CNTNAP1: variants seen among roughly 807,000 people sequenced by gnomAD.
The protein encoded by CNTNAP1 is contactin-associated protein 1.
A neutral mutation model predicts 161.5 loss-of-function variants in CNTNAP1; 80 were observed. The observed-to-expected ratio is 0.50, with a 90% confidence interval of 0.41 to 0.60. CNTNAP1 has a LOEUF of 0.60. Among genes scored for constraint, CNTNAP1 ranks in the 20% least tolerant of loss-of-function variants. The pLI is 0.00. For synonymous variants in CNTNAP1, 695 were observed against 733.1 expected (o/e 0.95, Z 0.84); for missense variants, 1,464 against 1,854.8 (o/e 0.79, Z 3.87).
chr17:42,685,424 A>C lies in CNTNAP1; in HGVS notation c.715+4A>C, dbSNP rs1304564187. 6.3e-7 allele frequency: 1 copy of C among 1,599,840 alleles called. No individual in the cohort carries two copies. The highest frequency in any genetic ancestry group is 1.7e-5 in the Admixed American group (1 of 59,904). Reference sequence around the variant, plus strand: ...CTGCTGCTGCACATGAGCCTGGGTGAGCTCGGCGACCATGTGCGATGCGGA... The same window carrying C: ...CTGCTGCTGCACATGAGCCTGGGTGCGCTCGGCGACCATGTGCGATGCGGA... On this transcript the variant is annotated splice_donor_region_variant and intron_variant, in intron 5 of 23. Transcript: ENST00000264638. This position sits in a 1 kb window ranked among gnomAD's most constrained non-coding sequence, Gnocchi z 5.0.
chr17:42,691,232 C>G lies in CNTNAP1; in HGVS notation c.2155C>G (p.Leu719Val). Residue 719 changes from leucine (L) to valine (V), a missense_variant, in exon 14 of 24, where the codon CTG (leucine) becomes GTG (valine). This residue lies in a region of CNTNAP1 where 1,383 missense variants were observed against 1,765.0 expected (regional missense o/e 0.78). Transcript: ENST00000264638. This position sits in a 1 kb window ranked among gnomAD's most constrained non-coding sequence, Gnocchi z 4.3. ...TGGGATCCAGCGCTGTGCCTGTGGT[C>G]TGGACCGGAGCTGTGTGGACCCTGC... The part of the protein sequence containing the change: ...QPGIQRCACG[L>V]DRSCVDPALY... The G allele has an allele frequency of 6.2e-7, 1 of 1,614,176 alleles. No homozygotes were observed. The highest frequency in any genetic ancestry group is 1.3e-5 in the African/African-American group (1 of 75,058).
At position 42,691,037 on chromosome 17, in the gene CNTNAP1, G is replaced by A. The variant is rs2053079805; in HGVS notation, c.2059+95G>A. 2 of 1,596,102 alleles carry A rather than the reference G, an allele frequency of 1.3e-6. No individual in the cohort carries two copies. Among genetic ancestry groups the A allele is most frequent in the South Asian group, 1.1e-5 (1 of 88,478 alleles). ...AGAGAGCCAGCTGGGGCCTTGGGTT[G>A]GAAGATTCAAGGAGGGGTCTGAACT... is the stretch of plus-strand genomic sequence containing the variant. On this transcript the variant is annotated intron_variant, in intron 13 of 23. Coordinates refer to ENST00000264638, the MANE Select transcript of CNTNAP1 (RefSeq NM_003632.3). The surrounding 1 kb of genome is among the most constrained non-coding windows in gnomAD (Gnocchi z 4.3).
rs759439280 is a variant in CNTNAP1, at chr17:42,683,844, G to C, written c.91G>C (p.Gly31Arg). 6.2e-6 allele frequency: 10 copies of C among 1,612,380 alleles called. No individual in the cohort carries two copies. Among genetic ancestry groups the C allele is most frequent in the Non-Finnish European group, 8.5e-6 (10 of 1,179,952 alleles). Reference sequence around the variant, plus strand: ...AGACGGCTGCGACGAGGAGCTGGTGGGTCCCCTGTATGCACGCTCCCTGGG... The same window carrying C: ...AGACGGCTGCGACGAGGAGCTGGTGCGTCCCCTGTATGCACGCTCCCTGGG... Reference protein sequence around the residue: ...GYYGCDEELVGPLYARSLGAS... With the variant: ...GYYGCDEELVRPLYARSLGAS... The change falls in exon 2 of 24, where the codon GGT becomes CGT. Residue 31 changes from glycine to arginine, a missense_variant. This residue lies in a region of CNTNAP1 where 77 missense variants were observed against 73.6 expected (regional missense o/e 1.05). Coordinates refer to ENST00000264638, the MANE Select transcript of CNTNAP1 (RefSeq NM_003632.3).
intron 18 of CNTNAP1, among the ~76,000 whole-genome samples, chr17:42,694,895 A>C (rs1412127632): frequency 6.6e-6 from 1 of 151,976 alleles, no homozygotes; most frequent in Non-Finnish European, 1.5e-5. Context: ...CTAGGGAGAT[A>C]CAAGACTTAG....
At chr17:42,695,187 A>T (rs1484686218) in intron 18 of CNTNAP1, among the ~76,000 whole-genome samples, 2 of 152,232 alleles carry the variant, frequency 1.3e-5, no homozygotes, top group East Asian at 3.9e-4. Context: ...CCTCAAGATG[A>T]TCTGCCTGCC....
At chr17:42,696,270 T>C (rs1213298017) in intron 20 of CNTNAP1, 118 bp downstream of exon 20, 1 of 1,329,952 alleles carries the variant, frequency 7.5e-7, no homozygotes, top group Non-Finnish European at 1.0e-6. Context: ...ATAGAGGATT[T>C]TCACGTGTGT....
chr17:42,691,017 G>C lies in CNTNAP1; in HGVS notation c.2059+75G>C. The C allele has an allele frequency of 1.2e-6, 2 of 1,601,538 alleles. No homozygotes were observed. The highest frequency in any genetic ancestry group is 1.1e-5 in the South Asian group (1 of 89,618). ...GGGCCTGGGAGAAGGAAGCCAGAGA[G>C]CCAGCTGGGGCCTTGGGTTGGAAGA... On this transcript the variant is annotated intron_variant, in intron 13 of 23. Coordinates refer to ENST00000264638, the MANE Select transcript of CNTNAP1 (RefSeq NM_003632.3). This position sits in a 1 kb window ranked among gnomAD's most constrained non-coding sequence, Gnocchi z 4.3.
At position 42,690,920 on chromosome 17, in the gene CNTNAP1, T is replaced by C. The variant is rs778373955; in HGVS notation, c.2037T>C (p.Asn679=). The change falls in exon 13 of 24, where the codon AAT becomes AAC. Residue 679 remains asparagine (N), a synonymous_variant. Coordinates refer to ENST00000264638, the MANE Select transcript of CNTNAP1 (RefSeq NM_003632.3). ...AGTGGATCGAGTTCTCCTGCTACAA[T>C]TCCCGGCTGCTCAACACTGCAGGTT... ...CEQWIEFSCY[N]SRLLNTAGGY... The C allele has an allele frequency of 6.2e-7, 1 of 1,614,182 alleles. No homozygotes were observed. The highest frequency in any genetic ancestry group is 8.5e-7 in the Non-Finnish European group (1 of 1,180,026).
At position 42,689,178 on chromosome 17, in the gene CNTNAP1, T is replaced by A. The variant is rs1294970067; in HGVS notation, c.1628+131T>A. The A allele has an allele frequency of 3.5e-6, 3 of 846,002 alleles. No homozygotes were observed. The East Asian group carries it at 7.9e-5, about 22-fold the overall frequency. 52.4% of individuals were successfully genotyped at this position (846,002 alleles called of 1,614,324 possible). A position where few individuals can be genotyped will look rare whatever the true frequency, so the allele number is the denominator to read the frequency against. On this transcript the variant is annotated intron_variant, in intron 10 of 23. Coordinates refer to ENST00000264638, the MANE Select transcript of CNTNAP1 (RefSeq NM_003632.3). The stretch of plus-strand genomic sequence containing the variant: ...CCTTAGTCCCCTGCTTGGGGATGAT[T>A]CTTCTTTGATCTCTTACCTCCTATT...
intron 9 of CNTNAP1, 31 bp downstream of exon 9, chr17:42,688,642 G>A: frequency 6.2e-7 from 1 of 1,613,828 alleles, no homozygotes; most frequent in Non-Finnish European, 8.5e-7. Flanking sequence ...CCAGACCTCT[G>A]TTTCTGGGTG....
rs764537669 is a variant in CNTNAP1, at chr17:42,697,289, C to T, written c.3490C>T (p.Leu1164=). The part of the protein sequence containing the change: ...NLFIQVDYFP[L]TEQKFSLLVD... ...CCCACCTCAGGTGGACTACTTCCCA[C>T]TGACAGAGCAGAAGTTCTCGCTGTT... Residue 1164 remains leucine, a synonymous_variant, in exon 21 of 24, where the codon CTG becomes TTG. Coordinates refer to ENST00000264638, the MANE Select transcript of CNTNAP1 (RefSeq NM_003632.3). 14 of 1,613,904 alleles carry T rather than the reference C, an allele frequency of 8.7e-6. No individual in the cohort carries two copies. Among genetic ancestry groups the T allele is most frequent in the Non-Finnish European group, 1.2e-5 (14 of 1,179,928 alleles).
At chr17:42,683,047 G>T in intron 1 of CNTNAP1, 151 bp downstream of exon 1, 1 of 748,878 alleles carries the variant, frequency 1.3e-6, no homozygotes, top group South Asian at 1.9e-5. Flanking sequence ...TCTCCCCCGC[G>T]CTCCGCATTG....
chr17:42,683,962 C>T (rs780606751), intron 2 of CNTNAP1, 40 bp downstream of exon 2: 1 of 1,613,182 alleles, frequency 6.2e-7, no homozygotes, highest in Non-Finnish European at 8.5e-7. Context: ...TGGCAGCGCA[C>T]CGCGGAAGGG....
chr17:42,690,615 G>A (rs2053072473), intron 12 of CNTNAP1, 124 bp from the exon 13 acceptor site: 1 of 889,226 alleles, frequency 1.1e-6, no homozygotes, highest in Non-Finnish European at 1.8e-6. Context: ...CAGGGCAGAG[G>A]TGGAATGGAG....
Position 42,691,053 on chromosome 17 carries a change from G to C in CNTNAP1, c.2060-84G>C. ...CCTTGGGTTGGAAGATTCAAGGAGG[G>C]GTCTGAACTCGCTGGAAGGGCGAGA... is the stretch of plus-strand genomic sequence containing the variant. On this transcript the variant is annotated intron_variant, in intron 13 of 23. Coordinates refer to ENST00000264638, the MANE Select transcript of CNTNAP1 (RefSeq NM_003632.3). This position sits in a 1 kb window ranked among gnomAD's most constrained non-coding sequence, Gnocchi z 4.3. The C allele has an allele frequency of 6.3e-7, 1 of 1,596,090 alleles. No individual in the cohort carries two copies. Among genetic ancestry groups the C allele is most frequent in the Non-Finnish European group, 8.5e-7 (1 of 1,170,070 alleles).
rs2053105333 is a variant in CNTNAP1, at chr17:42,692,731, A to G, written c.2752+11A>G. 6.3e-7 allele frequency: 1 copy of G among 1,592,800 alleles called. No homozygotes were observed. The highest frequency in any genetic ancestry group is 8.6e-7 in the Non-Finnish European group (1 of 1,165,930). ...AGCCCCTCTATGTGGGTAAGCAGCA[A>G]CCCAGAGGCAAGTCTGAAGCCTCCT... On this transcript the variant is annotated intron_variant, in intron 17 of 23. Coordinates refer to ENST00000264638, the MANE Select transcript of CNTNAP1 (RefSeq NM_003632.3).
chr17:42,693,340 G>A lies in CNTNAP1; in HGVS notation c.2796G>A (p.Arg932=). The change falls in exon 18 of 24, where the codon AGG becomes AGA. Residue 932 remains arginine (R), a synonymous_variant. Transcript: ENST00000264638. The stretch of plus-strand genomic sequence containing the variant: ...GACGCCCCTTTGTGGGTTGCTTGAG[G>A]GCCATGCGTCTGAACGGAGTGACTC... ...LKRRPFVGCL[R]AMRLNGVTLN... 6.2e-7 allele frequency: 1 copy of A among 1,614,222 alleles called. No homozygotes were observed.
rs1199507794 is a variant in CNTNAP1, at chr17:42,691,969, T to A, written c.2508T>A (p.Pro836=). The change falls in exon 16 of 24, where the codon CCT becomes CCA. Residue 836 remains proline (P), a synonymous_variant. Coordinates refer to ENST00000264638, the MANE Select transcript of CNTNAP1 (RefSeq NM_003632.3). The surrounding 1 kb of genome is among the most constrained non-coding windows in gnomAD (Gnocchi z 4.3). ...GCCCTTACTGCCAGTGGCGCCGACC[T>A]TATGTGCGGGTGGAACTCAACAGTG... ...MGGPYCQWRR[P]YVRVELNTSR... is the part of the protein sequence containing the mutation. 3 of 1,613,874 alleles carry A rather than the reference T, an allele frequency of 1.9e-6. No individual in the cohort carries two copies. The African/African-American group carries it at 4.0e-5, about 22-fold the overall frequency.
rs775715624 is a variant in CNTNAP1 at position 42,693,403 on chromosome 17, C to A, written c.2859C>A (p.Thr953=). The change falls in exon 18 of 24, where the codon ACC becomes ACA. Residue 953 remains threonine (T), a synonymous_variant. Coordinates refer to ENST00000264638, the MANE Select transcript of CNTNAP1 (RefSeq NM_003632.3). ...LEGRANASEG[T]SPNCTGHCAH... ...GCCGTGCCAATGCCTCTGAGGGTACCTCACCCAACTGCACAGGCCACTGTG... is the reference window on the plus strand; with the variant it reads ...GCCGTGCCAATGCCTCTGAGGGTACATCACCCAACTGCACAGGCCACTGTG... 6.2e-7 allele frequency: 1 copy of A among 1,614,098 alleles called. No individual in the cohort carries two copies. The highest frequency in any genetic ancestry group is 1.3e-5 in the African/African-American group (1 of 74,928).
Sources: allele counts gnomAD v4.1 joint callset (sites outside exome capture counted in the v4.1 genomes callset), GRCh38; gene constraint gnomAD v4.1.1; regional missense constraint gnomAD v4.1.1; non-coding constraint Gnocchi (gnomAD v3.1); transcripts MANE v1.5; gene names NCBI Gene and HGNC (gene_info 2026-07-23, HGNC 2026-07-21).